FOXP2: variants seen among roughly 807,000 people sequenced by gnomAD.
The protein encoded by FOXP2 is forkhead box protein P2.
FOXP2 carries 12 observed loss-of-function variants against 115.8 expected under a neutral mutation model. The ratio of observed to expected loss-of-function variants is 0.10; its 90% CI spans 0.07 to 0.17. FOXP2 has a LOEUF of 0.17. Among genes scored for constraint, FOXP2 ranks in the 10% least tolerant of loss-of-function variants. The pLI, the probability that FOXP2 is intolerant of heterozygous loss-of-function variation, is 1.00. For missense variants in FOXP2, 629 were observed against 843.5 expected (o/e 0.75, Z 3.15); for synonymous variants, 328 against 297.7 (o/e 1.10, Z -1.05).
rs1188717509 is a variant in FOXP2 at position 114,693,033 on chromosome 7, T to A, written c.*3107T>A. ...CTGTCTACCTCTAACACCAGGGAGTTATCAGATTTTATTTTACATAGTTTT... is the reference window on the plus strand; with the variant it reads ...CTGTCTACCTCTAACACCAGGGAGTAATCAGATTTTATTTTACATAGTTTT... On this transcript the variant is annotated 3_prime_UTR_variant, in exon 17 of 17. Coordinates refer to ENST00000350908, the MANE Select transcript of FOXP2 (RefSeq NM_014491.4). 2.2e-6 allele frequency: 1 copy of A among 453,928 alleles called. No homozygotes were observed. The highest frequency in any genetic ancestry group is 4.4e-6 in the Non-Finnish European group (1 of 226,666). The allele number at this position is 453,928 out of a possible 1,614,324, so 28.1% of individuals were successfully genotyped here.
intron 2 of FOXP2, among the ~76,000 whole-genome samples, chr7:114,353,277 ACT>A (rs1322303246): frequency 1.4e-5 from 2 of 147,372 alleles, no homozygotes; most frequent in African/African-American, 5.0e-5. Context: ...TTTTCCACAA[ACT>A]TTTCCTCCGA....
At chr7:114,555,580 T>C (rs1374675981) in intron 3 of FOXP2, among the ~76,000 whole-genome samples, 1 of 152,116 alleles carries the variant, frequency 6.6e-6, no homozygotes, top group Non-Finnish European at 1.5e-5. Context: ...GCAGATCACC[T>C]GAGGTCAGGA....
At chr7:114,552,609 A>G (rs535862157) in intron 3 of FOXP2, among the ~76,000 whole-genome samples, 1 of 152,286 alleles carries the variant, frequency 6.6e-6, no homozygotes, top group East Asian at 1.9e-4. Flanking sequence ...TTTATTACTC[A>G]TTTATTCAGG....
chr7:114,582,525 C>T lies in FOXP2; in HGVS notation c.259-46015C>T, dbSNP rs1430311327. 2.6e-5 allele frequency among the ~76,000 whole-genome samples: 4 copies of T among 152,130 alleles called. 1 individual carries two copies. The highest frequency in any genetic ancestry group is 3.8e-4 in the East Asian group (2 of 5,198). ...ATTATTAGCTAAGAGAATAACTGCT[C>T]ATTAGAGTTAAAACTTAGCAACTAT... On this transcript the variant is annotated intron_variant, in intron 3 of 16. Coordinates refer to ENST00000350908, the MANE Select transcript of FOXP2 (RefSeq NM_014491.4).
chr7:114,374,519 T>C (rs10249531), intron 2 of FOXP2, among the ~76,000 whole-genome samples: 54,977 of 152,028 alleles, frequency 0.36, 10,548 homozygotes, highest in African/African-American at 0.43. Flanking sequence ...AAGTGTGTGA[T>C]AAGGTTTGTG....
intron 2 of FOXP2, among the ~76,000 whole-genome samples, chr7:114,357,877 T>A (rs1257246631): frequency 6.6e-6 from 1 of 152,132 alleles, no homozygotes; most frequent in Non-Finnish European, 1.5e-5. Context: ...TTCAACCAAT[T>A]TAGAGATTGT....
chr7:114,683,954 G>T (rs1236198868), intron 16 of FOXP2, among the ~76,000 whole-genome samples: 1 of 152,180 alleles, frequency 6.6e-6, no homozygotes, highest in East Asian at 1.9e-4. Context: ...CAGGGCAGTG[G>T]CATAATGAAA....
intron 3 of FOXP2, among the ~76,000 whole-genome samples, chr7:114,560,011 T>A (rs548459748): frequency 6.6e-6 from 1 of 152,334 alleles, no homozygotes; most frequent in South Asian, 2.1e-4. Context: ...CTATGGTATC[T>A]GCATTGGGAC....
chr7:114,347,455 A>C (rs1325158937), intron 2 of FOXP2, among the ~76,000 whole-genome samples: 1 of 151,894 alleles, frequency 6.6e-6, no homozygotes, highest in Non-Finnish European at 1.5e-5. Flanking sequence ...AGTTTATTCC[A>C]TTGATTGATC....
At chr7:114,188,873 T>C (rs1447797415) in intron 1 of FOXP2, among the ~76,000 whole-genome samples, 1 of 152,180 alleles carries the variant, frequency 6.6e-6, no homozygotes, top group Non-Finnish European at 1.5e-5. Context: ...TAGTCTGCTA[T>C]TTGGAATATA....
At chr7:114,138,581 T>A (rs750089766) in intron 1 of FOXP2, among the ~76,000 whole-genome samples, 1 of 151,810 alleles carries the variant, frequency 6.6e-6, no homozygotes, top group Non-Finnish European at 1.5e-5. Context: ...TTTGTAGAGA[T>A]GGGGTTTCAC....
intron 3 of FOXP2, among the ~76,000 whole-genome samples, chr7:114,566,408 T>C (rs916821835): frequency 2.6e-5 from 4 of 152,048 alleles, no homozygotes; most frequent in South Asian, 2.1e-4. Context: ...ATGAATGTCT[T>C]GGTGCCATCC....
At chr7:114,600,676 G>A (rs1563026047) in intron 3 of FOXP2, among the ~76,000 whole-genome samples, 1 of 152,172 alleles carries the variant, frequency 6.6e-6, no homozygotes, top group African/African-American at 2.4e-5. Context: ...TGATGTTAGT[G>A]TTCTGGATTT....
intron 3 of FOXP2, among the ~76,000 whole-genome samples, chr7:114,581,648 G>T (rs566873164): frequency 1.3e-5 from 2 of 152,088 alleles, no homozygotes; most frequent in Non-Finnish European, 1.5e-5. Context: ...TTACATTAGG[G>T]TTCACTCTTG....
At chr7:114,535,459 C>T in intron 3 of FOXP2, among the ~76,000 whole-genome samples, 1 of 151,170 alleles carries the variant, frequency 6.6e-6, no homozygotes. Flanking sequence ...ATGCTTTTTC[C>T]TGAATCATGT....
At chr7:114,458,281 C>T (rs149600789) in intron 2 of FOXP2, among the ~76,000 whole-genome samples, 1 of 151,822 alleles carries the variant, frequency 6.6e-6, no homozygotes, top group African/African-American at 2.4e-5. Flanking sequence ...ATATCGATAA[C>T]CTTATTACTT....
chr7:114,615,519 C>T (rs969616998), intron 3 of FOXP2, among the ~76,000 whole-genome samples: 7 of 152,138 alleles, frequency 4.6e-5, no homozygotes, highest in African/African-American at 7.2e-5. Context: ...ATTCTTTTGG[C>T]TTGGATATTA....
chr7:114,231,454 C>T (rs193150404), intron 1 of FOXP2, among the ~76,000 whole-genome samples: 1 of 152,258 alleles, frequency 6.6e-6, no homozygotes, highest in East Asian at 1.9e-4. Context: ...AGACCTCACA[C>T]ATCGATTTCA....
chr7:114,446,651 A>G (rs1245062103), intron 2 of FOXP2, among the ~76,000 whole-genome samples: 2 of 152,074 alleles, frequency 1.3e-5, no homozygotes, highest in Non-Finnish European at 2.9e-5. Flanking sequence ...CAGTAAACCC[A>G]TCAATGCAAA....
Sources: gnomAD v4.1 joint callset for allele counts (sites outside exome capture counted in the v4.1 genomes callset) on GRCh38, gnomAD v4.1.1 for gene constraint, MANE v1.5 for transcripts, NCBI Gene and HGNC (gene_info 2026-07-23, HGNC 2026-07-21) for gene names.